IDO2: variants seen among roughly 807,000 people sequenced by gnomAD.
IDO2 encodes the protein indoleamine 2,3-dioxygenase-like 1 protein.
Under a neutral mutation model 45.1 loss-of-function variants are expected in IDO2, and 46 were observed. The observed-to-expected ratio is 1.02, with a 90% CI of 0.80 to 1.30. IDO2 has a LOEUF of 1.30. Among genes scored for constraint, IDO2 ranks in the 50% most tolerant of loss-of-function variants. The pLI is 0.00. For missense variants in IDO2, 544 were observed against 491.8 expected (o/e 1.11, Z -1.00); for synonymous variants, 218 against 184.9 (o/e 1.18, Z -1.45).
rs75603374 is a variant in IDO2, at chr8:40,005,757, G to A, written c.719+379G>A. Among the ~76,000 whole-genome samples the A allele has an allele frequency of 1.3e-3, 196 of 152,158 alleles. 1 individual carries two copies. The highest frequency in any genetic ancestry group is 2.3e-3 in the Non-Finnish European group (155 of 67,988). On this transcript the variant is annotated intron_variant, in intron 9 of 10. Coordinates refer to ENST00000502986, the Ensembl canonical transcript of IDO2. ...GTGTAGTATAGAGTTGGATAGCATC[G>A]AAGCTTTCTTCTAAAGTTCCTGGAA... is the stretch of plus-strand genomic sequence containing the variant.
chr8:39,977,002 T>G (rs961855046), intron 3 of IDO2, among the ~76,000 whole-genome samples: 1 of 152,184 alleles, frequency 6.6e-6, no homozygotes, highest in African/African-American at 2.4e-5. Flanking sequence ...AAAGTATTAA[T>G]AATTTTCTAA....
At chr8:39,987,834 T>C (rs925610514) in intron 6 of IDO2, 37 bp from the exon 7 acceptor site, 2 of 1,280,180 alleles carry the variant, frequency 1.6e-6, no homozygotes, top group African/African-American at 2.9e-5. Context: ...CGGTACAGTC[T>C]CCACACCTCT....
intron 2 of IDO2, among the ~76,000 whole-genome samples, chr8:39,956,032 G>A (rs566030587): frequency 2.9e-4 from 43 of 147,838 alleles, no homozygotes; most frequent in African/African-American, 8.9e-4. Flanking sequence ...TTTAGGTTAC[G>A]TTTTCTTCAT....
intron 9 of IDO2, among the ~76,000 whole-genome samples, chr8:40,009,152 C>A (rs535544971): frequency 6.6e-6 from 1 of 152,106 alleles, no homozygotes. Flanking sequence ...GTAGCTGGGA[C>A]TACAGGCACC....
At chr8:39,944,417 TA>T (rs1171577022) in intron 1 of IDO2, among the ~76,000 whole-genome samples, 1 of 152,150 alleles carries the variant, frequency 6.6e-6, no homozygotes, top group Non-Finnish European at 1.5e-5. Context: ...CGTTTTCCTT[TA>T]ATCACCTAGC....
exon 11 of IDO2, chr8:40,015,368 G>C (rs1414781273): frequency 1.2e-6 from 2 of 1,613,910 alleles, no homozygotes; most frequent in Non-Finnish European, 1.7e-6. Flanking sequence ...ACCACTTGCT[G>C]ACAGCTTATA....
intron 1 of IDO2, among the ~76,000 whole-genome samples, chr8:39,937,052 T>C (rs1585391012): frequency 6.6e-6 from 1 of 152,232 alleles, no homozygotes; most frequent in East Asian, 1.9e-4. Flanking sequence ...ACATACCTAT[T>C]GTACAAAGAA....
chr8:39,964,585 C>T (rs1393872614), intron 3 of IDO2, among the ~76,000 whole-genome samples: 1 of 152,194 alleles, frequency 6.6e-6, no homozygotes, highest in African/African-American at 2.4e-5. Flanking sequence ...TCTAGAATTA[C>T]AAATTCTTTT....
At chr8:39,947,508 G>C (rs147008897) in intron 1 of IDO2, among the ~76,000 whole-genome samples, 1 of 152,118 alleles carries the variant, frequency 6.6e-6, no homozygotes, top group East Asian at 1.9e-4. Flanking sequence ...CTTTCTCAGC[G>C]TTCCACAAGT....
Position 40,015,156 on chromosome 8 carries a change from AG to A in IDO2, c.869-90del, listed in dbSNP as rs1396114830. On this transcript the variant is annotated intron_variant, in intron 10 of 10. Coordinates refer to ENST00000502986, the Ensembl canonical transcript of IDO2. ...GGCAACAGAGCAAGATCTCATCTAG[AG>A]AAAAAAAAAATAAAAAAGAAGAAGA... The A allele has an allele frequency of 7.3e-5, 47 of 644,944 alleles. 1 individual carries two copies. The South Asian group carries it at 9.4e-4, about 13-fold the overall frequency. The allele number at this position is 644,944 out of a possible 1,614,324, so 40.0% of individuals were successfully genotyped here. A position where few individuals can be genotyped will look rare whatever the true frequency, so the allele number is the denominator to read the frequency against.
intron 3 of IDO2, among the ~76,000 whole-genome samples, chr8:39,973,368 G>A (rs746442993): frequency 6.6e-6 from 1 of 152,026 alleles, no homozygotes; most frequent in Non-Finnish European, 1.5e-5. Context: ...CATCCCAGTA[G>A]CAATGAGCAA....
At chr8:40,013,597 T>C in exon 10 of IDO2, 1 of 1,613,872 alleles carries the variant, frequency 6.2e-7, no homozygotes, top group Non-Finnish European at 8.5e-7. Flanking sequence ...CCTGCAGGGC[T>C]GATGTATGAA....
intron 1 of IDO2, among the ~76,000 whole-genome samples, chr8:39,941,916 C>T (rs1209657376): frequency 6.6e-6 from 1 of 151,942 alleles, no homozygotes; most frequent in Non-Finnish European, 1.5e-5. Flanking sequence ...AAAACCCCAT[C>T]TCTACAAAAA....
chr8:39,965,625 G>C (rs535211165), intron 3 of IDO2, among the ~76,000 whole-genome samples: 36 of 152,302 alleles, frequency 2.4e-4, no homozygotes, highest in Non-Finnish European at 4.6e-4. Flanking sequence ...GGTGTGTACA[G>C]ATGTATTCGA....
At chr8:39,938,340 A>G (rs528638930) in intron 1 of IDO2, among the ~76,000 whole-genome samples, 17 of 152,264 alleles carry the variant, frequency 1.1e-4, no homozygotes, top group African/African-American at 4.1e-4. Flanking sequence ...TATATTTTGT[A>G]TATAAATGAA....
At chr8:39,994,014 AT>A (rs1196531353) in intron 8 of IDO2, among the ~76,000 whole-genome samples, 5 of 152,200 alleles carry the variant, frequency 3.3e-5, no homozygotes, top group African/African-American at 1.2e-4. Context: ...CCCCAAAAAA[AT>A]AAATAAATAA....
chr8:39,976,136 C>T (rs1329265130), intron 3 of IDO2, among the ~76,000 whole-genome samples: 1 of 152,094 alleles, frequency 6.6e-6, no homozygotes, highest in African/African-American at 2.4e-5. Context: ...TGCACCACCA[C>T]ACCTGGCTAA....
At chr8:39,988,013 T>C in intron 7 of IDO2, 43 bp downstream of exon 7, 1 of 1,145,682 alleles carries the variant, frequency 8.7e-7, no homozygotes, top group Non-Finnish European at 1.3e-6. Flanking sequence ...TAAATGAGCT[T>C]GAGCTTTACT....
chr8:39,983,110 T>C (rs1808377436), intron 5 of IDO2, among the ~76,000 whole-genome samples: 2 of 152,236 alleles, frequency 1.3e-5, no homozygotes, highest in Non-Finnish European at 2.9e-5. Flanking sequence ...TTAAAACCAG[T>C]TGGCTTTGAT....
Sources: gnomAD v4.1 joint callset for allele counts (sites outside exome capture counted in the v4.1 genomes callset) on GRCh38, gnomAD v4.1.1 for gene constraint, MANE v1.5 for transcripts, NCBI Gene and HGNC (gene_info 2026-07-23, HGNC 2026-07-21) for gene names.